MIPOL1: variants seen among roughly 807,000 people sequenced by gnomAD.
The protein encoded by MIPOL1 is mirror-image polydactyly gene 1 protein.
Under a neutral mutation model 60.9 loss-of-function variants are expected in MIPOL1, and 57 were observed. The observed-to-expected ratio is 0.94, with a 90% CI of 0.76 to 1.17. The LOEUF (loss-of-function observed/expected upper bound fraction) is 1.17. Ranked by LOEUF, MIPOL1 falls within the 50% of genes most tolerant of loss-of-function variation. The probability of loss-of-function intolerance (pLI) is 0.00; values close to 1 mark genes in which losing one functional copy is unlikely to be tolerated. For missense variants in MIPOL1, 551 were observed against 511.6 expected, an observed-to-expected ratio of 1.08 and a Z score of -0.74; for synonymous variants, 179 against 168.8, an observed-to-expected ratio of 1.06 and a Z score of -0.47.
chr14:37,313,590 C>G, intron 9 of MIPOL1, among the ~76,000 whole-genome samples: 1 of 151,936 alleles, frequency 6.6e-6, no homozygotes, highest in East Asian at 1.9e-4. Context: ...ACCACATGGA[C>G]CACTCAAAAC....
At chr14:37,332,267 G>A (rs1298059001) in intron 9 of MIPOL1, among the ~76,000 whole-genome samples, 1 of 152,098 alleles carries the variant, frequency 6.6e-6, no homozygotes, top group Non-Finnish European at 1.5e-5. Flanking sequence ...TTATCATGAA[G>A]GGATGTTGAA....
At chr14:37,481,613 C>T (rs934009691) in intron 11 of MIPOL1, among the ~76,000 whole-genome samples, 1 of 71,950 alleles carries the variant, frequency 1.4e-5, no homozygotes, top group Non-Finnish European at 3.0e-5. Flanking sequence ...ACACACACAC[C>T]GAAACCACAT....
At chr14:37,294,098 C>T (rs2085374247) in intron 7 of MIPOL1, among the ~76,000 whole-genome samples, 1 of 152,152 alleles carries the variant, frequency 6.6e-6, no homozygotes, top group Non-Finnish European at 1.5e-5. Context: ...CCGGGAACTC[C>T]TCTGAGACAA....
At chr14:37,511,417 G>A (rs7146299) in intron 12 of MIPOL1, among the ~76,000 whole-genome samples, 112,981 of 152,076 alleles carry the variant, frequency 0.74, 42,160 homozygotes, top group East Asian at 0.85. Context: ...GTTATGTCGA[G>A]GTAAAGGGAA....
chr14:37,445,903 A>G (rs1332762936), intron 11 of MIPOL1, among the ~76,000 whole-genome samples: 1 of 152,162 alleles, frequency 6.6e-6, no homozygotes, highest in African/African-American at 2.4e-5. Flanking sequence ...CCTTCCTTAC[A>G]CCTTATACAG....
intron 11 of MIPOL1, among the ~76,000 whole-genome samples, chr14:37,459,842 G>A (rs1249999453): frequency 2.6e-5 from 4 of 152,084 alleles, no homozygotes; most frequent in Admixed American, 2.6e-4. Flanking sequence ...TAGGAGGCCG[G>A]GGTGGGCAGA....
intron 11 of MIPOL1, among the ~76,000 whole-genome samples, chr14:37,484,571 C>T (rs1228661618): frequency 6.6e-6 from 1 of 151,914 alleles, no homozygotes; most frequent in Non-Finnish European, 1.5e-5. Flanking sequence ...CTCTTGACCT[C>T]GTGATCCGCC....
At chr14:37,504,287 AATC>A (rs2095254459) in intron 12 of MIPOL1, 1 of 152,168 alleles carries the variant, frequency 6.6e-6, no homozygotes, top group South Asian at 2.1e-4. Context: ...CTCCACCCCA[AATC>A]AACAGAATAT....
chr14:37,512,016 T>A (rs1271179324), intron 12 of MIPOL1, among the ~76,000 whole-genome samples: 1 of 152,176 alleles, frequency 6.6e-6, no homozygotes, highest in African/African-American at 2.4e-5. Context: ...TATTTAAAAT[T>A]TACAGGAGTT....
intron 1 of MIPOL1, among the ~76,000 whole-genome samples, chr14:37,244,069 T>C (rs1161791239): frequency 6.6e-6 from 1 of 150,700 alleles, no homozygotes; most frequent in Non-Finnish European, 1.5e-5. Flanking sequence ...TTAATTATTA[T>C]TTATTTTTCT....
rs1273293410 is a variant in MIPOL1, at chr14:37,266,947, A to G, written c.29A>G (p.His10Arg). 6.2e-7 allele frequency: 1 copy of G among 1,609,088 alleles called. No individual in the cohort carries two copies. The highest frequency in any genetic ancestry group is 1.7e-5 in the Admixed American group (1 of 59,932). The change falls in exon 4 of 13, where the codon CAC becomes CGC. Residue 10 changes from histidine (H) to arginine (R), a missense_variant. Physicochemically the swap from His to Arg is conservative, Grantham distance 29. Coordinates refer to ENST00000684589, the MANE Select transcript of MIPOL1 (RefSeq NM_001388067.1). Reference sequence around the variant, plus strand: ...GTTTGTTTAAATACAGACATAACCCACAGTTATCTTGAACAAGAAACTACG... The same window carrying G: ...GTTTGTTTAAATACAGACATAACCCGCAGTTATCTTGAACAAGAAACTACG... The part of the protein sequence containing the change: MENWSKDIT[H>R]SYLEQETTGI...
chr14:37,444,739 G>C (rs554108314), intron 11 of MIPOL1, among the ~76,000 whole-genome samples: 14 of 152,236 alleles, frequency 9.2e-5, no homozygotes, highest in African/African-American at 3.4e-4. Flanking sequence ...GACCAAGTGG[G>C]CTTCATCCCT....
intron 11 of MIPOL1, among the ~76,000 whole-genome samples, chr14:37,455,286 A>G (rs2094465080): frequency 6.6e-6 from 1 of 152,130 alleles, no homozygotes; most frequent in African/African-American, 2.4e-5. Flanking sequence ...TCCTATTCAG[A>G]TCTTCATTAT....
chr14:37,354,333 G>A (rs934362942), intron 9 of MIPOL1, among the ~76,000 whole-genome samples: 11 of 112,134 alleles, frequency 9.8e-5, no homozygotes, highest in Admixed American at 9.7e-4. Context: ...CCAAGTATGC[G>A]GTCAATTTTG....
chr14:37,536,566 T>C (rs2095507302), intron 12 of MIPOL1, among the ~76,000 whole-genome samples: 1 of 152,226 alleles, frequency 6.6e-6, no homozygotes, highest in African/African-American at 2.4e-5. Flanking sequence ...AGATTCTTGA[T>C]GGGAAATGAG....
At chr14:37,454,113 C>T (rs1441646679) in intron 11 of MIPOL1, among the ~76,000 whole-genome samples, 1 of 152,214 alleles carries the variant, frequency 6.6e-6, no homozygotes, top group African/African-American at 2.4e-5. Flanking sequence ...GGAATTGACA[C>T]ACTATGTCAT....
chr14:37,231,741 T>C lies in MIPOL1; in HGVS notation c.-198-15362T>C, dbSNP rs143692840. Among the ~76,000 whole-genome samples the C allele has an allele frequency of 1.5e-4, 23 of 152,090 alleles. 2 individuals are homozygous for C. Among genetic ancestry groups the C allele is most frequent in the African/African-American group, 5.5e-4 (23 of 41,496 alleles). On this transcript the variant is annotated intron_variant, in intron 1 of 12. Transcript: ENST00000684589. ...TTTTGGAACAATCAGTAAAGGTTAA[T>C]CACTAAAAAAAAATTACTATCAAAG...
intron 12 of MIPOL1, among the ~76,000 whole-genome samples, chr14:37,528,525 A>C (rs1031859980): frequency 6.6e-6 from 1 of 152,078 alleles, no homozygotes; most frequent in African/African-American, 2.4e-5. Context: ...GTGTATTTTT[A>C]ACTCCCTTTA....
intron 12 of MIPOL1, among the ~76,000 whole-genome samples, chr14:37,532,991 G>C (rs2095488648): frequency 6.6e-6 from 1 of 151,980 alleles, no homozygotes; most frequent in South Asian, 2.1e-4. Context: ...ACTATTTTGT[G>C]ATAAATGAAA....
Sources: gnomAD v4.1 joint callset for allele counts (sites outside exome capture counted in the v4.1 genomes callset) on GRCh38, gnomAD v4.1.1 for gene constraint, MANE v1.5 for transcripts, NCBI Gene and HGNC (gene_info 2026-07-23, HGNC 2026-07-21) for gene names.